Variants in TMEM178B observed in about 807,000 individuals in gnomAD.
TMEM178B encodes the protein transmembrane protein 178B.
A neutral mutation model predicts 31.0 loss-of-function variants in TMEM178B; 5 were observed. That is an observed-to-expected ratio of 0.16 (90% CI 0.08 to 0.34). The LOEUF (loss-of-function observed/expected upper bound fraction) is 0.34. Among genes scored for constraint, TMEM178B ranks in the 10% least tolerant of loss-of-function variants. The probability of loss-of-function intolerance (pLI) is 1.00; values close to 1 mark genes in which losing one functional copy is unlikely to be tolerated. For synonymous variants in TMEM178B, 164 were observed against 164.0 expected, an observed-to-expected ratio of 1.00 and a Z score of 0.00; for missense variants, 275 against 400.3, an observed-to-expected ratio of 0.69 and a Z score of 2.67.
At chr7:141,085,114 A>C (rs941740109) in intron 1 of TMEM178B, among the ~76,000 whole-genome samples, 1 of 144,352 alleles carries the variant, frequency 6.9e-6, no homozygotes, top group African/African-American at 2.6e-5. Context: ...AGTAGCTGGG[A>C]TTACAGGCAC....
chr7:141,329,633 C>A (rs1313498479), intron 2 of TMEM178B, among the ~76,000 whole-genome samples: 1 of 152,152 alleles, frequency 6.6e-6, no homozygotes, highest in African/African-American at 2.4e-5. Context: ...AGCACATTGA[C>A]CATCCTACAG....
chr7:141,350,857 T>A (rs1799708284), intron 2 of TMEM178B, among the ~76,000 whole-genome samples: 2 of 152,190 alleles, frequency 1.3e-5, no homozygotes, highest in Admixed American at 6.5e-5. Flanking sequence ...GCAGCAATAC[T>A]TAGTAACAAG....
chr7:141,342,346 A>C (rs1799529322), intron 2 of TMEM178B, among the ~76,000 whole-genome samples: 1 of 152,268 alleles, frequency 6.6e-6, no homozygotes, highest in Non-Finnish European at 1.5e-5. Context: ...GAATCACTAA[A>C]GTAGTATTTC....
chr7:141,140,119 G>A (rs555843995), intron 1 of TMEM178B, among the ~76,000 whole-genome samples: 50 of 152,254 alleles, frequency 3.3e-4, no homozygotes, highest in Middle Eastern at 3.4e-3. Flanking sequence ...AGCGTCTGGC[G>A]CTTGCATACC....
rs1228202037 is a variant in TMEM178B at position 141,473,047 on chromosome 7, A to G, written c.*2261A>G. The G allele has an allele frequency of 8.5e-5, 13 of 152,184 alleles. No homozygotes were observed. The highest frequency in any genetic ancestry group is 8.8e-5 in the Non-Finnish European group (6 of 68,036). 9.4% of individuals were successfully genotyped at this position (152,184 alleles called of 1,614,324 possible). The stretch of plus-strand genomic sequence containing the variant: ...GCGATAGGGTAAGGTGTGCAACGGG[A>G]AAAGTTGTTAGCTTCCAGTTGGGGT... On this transcript the variant is annotated 3_prime_UTR_variant, in exon 4 of 4. Coordinates refer to ENST00000565468, the MANE Select transcript of TMEM178B (RefSeq NM_001195278.2).
intron 1 of TMEM178B, among the ~76,000 whole-genome samples, chr7:141,112,811 C>A (rs1280160469): frequency 6.6e-6 from 1 of 152,126 alleles, no homozygotes; most frequent in Non-Finnish European, 1.5e-5. Flanking sequence ...TTTTGTTCTG[C>A]AAATAGCCAC....
intron 2 of TMEM178B, among the ~76,000 whole-genome samples, chr7:141,348,929 T>G (rs1244901750): frequency 2.6e-5 from 4 of 152,154 alleles, no homozygotes; most frequent in Non-Finnish European, 5.9e-5. Flanking sequence ...CTGGCGGGGT[T>G]CATGACTGGG....
At chr7:141,407,560 CCTGAACGCTCCCGAT>C (rs1282409951) in intron 2 of TMEM178B, among the ~76,000 whole-genome samples, 2 of 152,132 alleles carry the variant, frequency 1.3e-5, no homozygotes, top group Non-Finnish European at 2.9e-5. Context: ...GCCATACCAC[CCTGAACGCTCCCGAT>C]CTCGTCTGAA....
intron 1 of TMEM178B, among the ~76,000 whole-genome samples, chr7:141,094,276 G>A (rs953334594): frequency 7.9e-5 from 12 of 152,170 alleles, no homozygotes; most frequent in African/African-American, 2.4e-4. Flanking sequence ...TTGAAGCAAG[G>A]CATCAATTAT....
chr7:141,347,859 A>G (rs1398701129), intron 2 of TMEM178B, among the ~76,000 whole-genome samples: 1 of 152,190 alleles, frequency 6.6e-6, no homozygotes, highest in Non-Finnish European at 1.5e-5. Context: ...GTGTAATGTA[A>G]TGAATGCGAC....
At chr7:141,138,212 C>T (rs1281690332) in intron 1 of TMEM178B, among the ~76,000 whole-genome samples, 1 of 152,056 alleles carries the variant, frequency 6.6e-6, no homozygotes, top group African/African-American at 2.4e-5. Flanking sequence ...CAGGCACCCA[C>T]CACCATGCCT....
chr7:141,229,862 TGA>T (rs1383025071), intron 2 of TMEM178B, among the ~76,000 whole-genome samples: 7 of 152,160 alleles, frequency 4.6e-5, no homozygotes, highest in Middle Eastern at 3.2e-3. Context: ...GGCCACAGAA[TGA>T]GACCGTTTCA....
chr7:141,113,315 C>T (rs976191266), intron 1 of TMEM178B, among the ~76,000 whole-genome samples: 5 of 152,306 alleles, frequency 3.3e-5, no homozygotes, highest in African/African-American at 1.2e-4. Context: ...GCGCTCTGTC[C>T]CATCTGTCCC....
intron 1 of TMEM178B, among the ~76,000 whole-genome samples, chr7:141,107,592 T>C (rs1337517816): frequency 6.6e-5 from 10 of 152,162 alleles, no homozygotes; most frequent in African/African-American, 2.4e-4. Flanking sequence ...TGGCCAAGAA[T>C]GGAGTTGCCA....
chr7:141,484,910 G>GA (rs536291628), downstream of TMEM178B, among the ~76,000 whole-genome samples: 50 of 148,986 alleles, frequency 3.4e-4, no homozygotes, highest in African/African-American at 9.8e-4. This position sits in a 1 kb window ranked among gnomAD's most constrained non-coding sequence, Gnocchi z 4.8. Context: ...AAAAGACAAT[G>GA]AAAAAAAAAA....
chr7:141,187,145 T>A (rs1409553225), intron 1 of TMEM178B, among the ~76,000 whole-genome samples: 1 of 132,618 alleles, frequency 7.5e-6, no homozygotes, highest in South Asian at 2.5e-4. Context: ...CCTGTGTCCA[T>A]GTGTTCTCAT....
rs76281456 is a variant in TMEM178B, at chr7:141,119,726, C to A, written c.382+45034C>A. 1.4e-4 allele frequency among the ~76,000 whole-genome samples: 22 copies of A among 152,098 alleles called. No individual in the cohort carries two copies. In the East Asian group the frequency reaches 4.2e-3, roughly 29 times the overall value. ...ATGGAGGAAAGGCTGGAGAAGGGAGCCGGGGTTATGTCGGTTGAGAGAAGG... is the reference window on the plus strand; with the variant it reads ...ATGGAGGAAAGGCTGGAGAAGGGAGACGGGGTTATGTCGGTTGAGAGAAGG... On this transcript the variant is annotated intron_variant, in intron 1 of 3. Transcript: ENST00000565468.
At chr7:141,184,213 A>T (rs1414741873) in intron 1 of TMEM178B, among the ~76,000 whole-genome samples, 5 of 152,296 alleles carry the variant, frequency 3.3e-5, no homozygotes, top group South Asian at 4.1e-4. Context: ...TATTATCTTG[A>T]ACAATATTTT....
intron 2 of TMEM178B, among the ~76,000 whole-genome samples, chr7:141,343,715 A>T (rs1210870256): frequency 6.6e-6 from 1 of 151,902 alleles, no homozygotes; most frequent in East Asian, 1.9e-4. Flanking sequence ...AAGCCTGGCT[A>T]ATTTTTTATA....
Sources: gnomAD v4.1 joint callset for allele counts (sites outside exome capture counted in the v4.1 genomes callset) on GRCh38, gnomAD v4.1.1 for gene constraint, Gnocchi (gnomAD v3.1) non-coding constraint, MANE v1.5 for transcripts, NCBI Gene and HGNC (gene_info 2026-07-23, HGNC 2026-07-21) for gene names.